SBNO2: variants seen among roughly 807,000 people sequenced by gnomAD.
The protein encoded by SBNO2 is strawberry notch homolog 2.
SBNO2 carries 89 observed loss-of-function variants against 146.3 expected under a neutral mutation model. That is an observed-to-expected ratio of 0.61 (90% CI 0.51 to 0.73). The LOEUF is 0.73. Ranked by LOEUF, SBNO2 falls within the 30% of genes least tolerant of loss-of-function variation. The pLI is 0.00. For synonymous variants in SBNO2, 1,147 were observed against 892.6 expected (o/e 1.29, Z -5.08); for missense variants, 2,092 against 2,003.7 (o/e 1.04, Z -0.84).
At chr19:1,155,711 A>G (rs1441885914) in intron 1 of SBNO2, among the ~76,000 whole-genome samples, 3 of 152,290 alleles carry the variant, frequency 2.0e-5, no homozygotes, top group African/African-American at 7.2e-5. Flanking sequence ...TTCTCTGGGT[A>G]GAGCCTGGGA....
At chr19:1,119,489 C>CG in intron 13 of SBNO2, 27 bp downstream of exon 13, 1 of 1,515,284 alleles carries the variant, frequency 6.6e-7, no homozygotes, top group Non-Finnish European at 9.0e-7. Context: ...CCCGCCGCCC[C>CG]TCCACGTGGG....
chr19:1,153,926 C>G (rs2145314549), intron 2 of SBNO2, among the ~76,000 whole-genome samples: 1 of 152,360 alleles, frequency 6.6e-6, no homozygotes, highest in East Asian at 1.9e-4. Flanking sequence ...ACTGGAAGCT[C>G]TGCAGCAGGG....
rs11669443 is a variant in SBNO2, at chr19:1,109,216, G to A, written c.3349-5C>T. 0.23 allele frequency: 364,914 copies of A among 1,568,170 alleles called. 45,139 individuals carry two copies. Among genetic ancestry groups the A allele is most frequent in the Admixed American group, 0.34 (18,061 of 52,888 alleles). ...CTTGGCCTCCTCCGCGGTGACCTAG[G>A]GACACAGGGCCGCATGAGCCTGGGC... On this transcript the variant is annotated splice_region_variant and splice_polypyrimidine_tract_variant and intron_variant, in intron 29 of 31. Coordinates refer to ENST00000361757, the MANE Select transcript of SBNO2 (RefSeq NM_014963.3). This position sits in a 1 kb window ranked among gnomAD's most constrained non-coding sequence, Gnocchi z 4.2.
chr19:1,159,477 G>A, intron 1 of SBNO2, among the ~76,000 whole-genome samples: 1 of 104,740 alleles, frequency 9.5e-6, no homozygotes, highest in Non-Finnish European at 2.0e-5. Context: ...GGACAGTTGG[G>A]GACAGCAGGG....
chr19:1,122,201 C>G lies in SBNO2; in HGVS notation c.1087G>C (p.Gly363Arg). ...SALIGESQAG[G>R]QHRTRLRQIL... ...TGCCGGAGGCGAGTGCGGTGCTGGC[C>G]GCCGGCCTGGCTCTCCCCAATCAGG... is the stretch of plus-strand genomic sequence containing the variant. The change falls in exon 11 of 32, where the codon GGC (glycine) becomes CGC (arginine). Residue 363 changes from glycine to arginine, a missense_variant. Transcript: ENST00000361757. The G allele has an allele frequency of 1.3e-6, 2 of 1,556,956 alleles. No individual in the cohort carries two copies. Among genetic ancestry groups the G allele is most frequent in the Non-Finnish European group, 1.7e-6 (2 of 1,151,330 alleles).
At chr19:1,156,040 G>A (rs949892453) in intron 1 of SBNO2, among the ~76,000 whole-genome samples, 4 of 152,158 alleles carry the variant, frequency 2.6e-5, no homozygotes, top group Admixed American at 6.5e-5. Flanking sequence ...CACGGTGGAC[G>A]GAGCTTGGGG....
Position 1,113,722 on chromosome 19 carries a change from G to T in SBNO2, c.2078-18C>A. Reference sequence around the variant, plus strand: ...CAGGGGTCCTAGGGAGGAGGTGGAGGGTCAGGGCAGGACATGTTGGCTGCC... The same window carrying T: ...CAGGGGTCCTAGGGAGGAGGTGGAGTGTCAGGGCAGGACATGTTGGCTGCC... On this transcript the variant is annotated intron_variant, in intron 18 of 31. Coordinates refer to ENST00000361757, the MANE Select transcript of SBNO2 (RefSeq NM_014963.3). 6.7e-7 allele frequency: 1 copy of T among 1,499,700 alleles called. No homozygotes were observed. The highest frequency in any genetic ancestry group is 1.3e-5 in the South Asian group (1 of 76,708). 92.9% of individuals were successfully genotyped at this position (1,499,700 alleles called of 1,614,324 possible).
intron 1 of SBNO2, among the ~76,000 whole-genome samples, chr19:1,159,838 G>A (rs1296381342): frequency 6.6e-6 from 1 of 151,684 alleles, no homozygotes; most frequent in African/African-American, 2.4e-5. Context: ...ACACATTCAA[G>A]ACATCCGTGA....
intron 1 of SBNO2, among the ~76,000 whole-genome samples, chr19:1,162,811 T>C (rs961394958): frequency 6.6e-6 from 1 of 152,150 alleles, no homozygotes; most frequent in African/African-American, 2.4e-5. Flanking sequence ...GTAGACCAGC[T>C]ACATGCACAC....
Position 1,158,885 on chromosome 19 carries a change from G to A in SBNO2, c.-126-4483C>T, listed in dbSNP as rs35500465. Reference sequence around the variant, plus strand: ...GTGATGGCCTCCTGCAGCTGTGACCGCCGCCCCACAGCCGCGACCCCACCT... The same window carrying A: ...GTGATGGCCTCCTGCAGCTGTGACCACCGCCCCACAGCCGCGACCCCACCT... On this transcript the variant is annotated intron_variant, in intron 1 of 31. Transcript: ENST00000361757. The surrounding 1 kb of genome is among the most constrained non-coding windows in gnomAD (Gnocchi z 9.9). 0.21 allele frequency among the ~76,000 whole-genome samples: 32,116 copies of A among 151,744 alleles called. 3,983 individuals carry two copies. Among genetic ancestry groups the A allele is most frequent in the East Asian group, 0.41 (2,137 of 5,152 alleles).
rs2079745790 is a variant in SBNO2 at position 1,110,651 on chromosome 19, T to C, written c.3028+94A>G. The C allele has an allele frequency of 7.8e-6, 11 of 1,403,052 alleles. No homozygotes were observed. Among genetic ancestry groups the C allele is most frequent in the Non-Finnish European group, 9.5e-6 (10 of 1,056,778 alleles). The allele number at this position is 1,403,052 out of a possible 1,614,324, so 86.9% of individuals were successfully genotyped here. A position where few individuals can be genotyped will look rare whatever the true frequency, so the allele number is the denominator to read the frequency against. ...CCTCGCCCACCCGGGATGCCCGGTG[T>C]TCCCACGAGCCCCGAGCCCACCCAG... On this transcript the variant is annotated intron_variant, in intron 26 of 31. Transcript: ENST00000361757. This position sits in a 1 kb window ranked among gnomAD's most constrained non-coding sequence, Gnocchi z 4.9.
chr19:1,116,322 G>A lies in SBNO2; in HGVS notation c.1803-219C>T, dbSNP rs138532490. Reference sequence around the variant, plus strand: ...GTCACAGGGCCACCTCGGCCACCAGGCTTCCCCCGCTCTGAGGAATGTGGC... The same window carrying A: ...GTCACAGGGCCACCTCGGCCACCAGACTTCCCCCGCTCTGAGGAATGTGGC... On this transcript the variant is annotated intron_variant, in intron 16 of 31. Transcript: ENST00000361757. 1.0e-3 allele frequency among the ~76,000 whole-genome samples: 156 copies of A among 151,830 alleles called. 3 individuals carry two copies. In the East Asian group the frequency reaches 0.027, roughly 26 times the overall value.
At chr19:1,151,397 G>A (rs181042798) in intron 2 of SBNO2, among the ~76,000 whole-genome samples, 326 of 152,258 alleles carry the variant, frequency 2.1e-3, no homozygotes, top group African/African-American at 6.8e-3. Flanking sequence ...GGGATGGGAC[G>A]GGGGGAAAGT....
Position 1,110,740 on chromosome 19 carries a change from C to A in SBNO2, c.3028+5G>T. On this transcript the variant is annotated splice_donor_5th_base_variant and intron_variant, in intron 26 of 31. Coordinates refer to ENST00000361757, the MANE Select transcript of SBNO2 (RefSeq NM_014963.3). The surrounding 1 kb of genome is among the most constrained non-coding windows in gnomAD (Gnocchi z 4.9). The stretch of plus-strand genomic sequence containing the variant: ...CCCACACCACACCCCGGCACCTGTG[C>A]TCACCCAGGATGCCCATGTCGTATT... 1 of 1,613,438 alleles carries A rather than the reference C, an allele frequency of 6.2e-7. No individual in the cohort carries two copies. Among genetic ancestry groups the A allele is most frequent in the Non-Finnish European group, 8.5e-7 (1 of 1,179,666 alleles).
chr19:1,123,238 G>A (rs2079926015), intron 7 of SBNO2, among the ~76,000 whole-genome samples, 193 bp from the exon 8 acceptor site: 1 of 152,072 alleles, frequency 6.6e-6, no homozygotes. Context: ...GGGCTGGCCG[G>A]GTCGGGGGTG....
Position 1,147,279 on chromosome 19 carries a change from C to G in SBNO2, c.279+30G>C, listed in dbSNP as rs771497035. 29 of 1,465,584 alleles carry G rather than the reference C, an allele frequency of 2.0e-5. No individual in the cohort carries two copies. In the African/African-American group the frequency reaches 2.6e-4, roughly 13 times the overall value. The allele number at this position is 1,465,584 out of a possible 1,614,324, so 90.8% of individuals were successfully genotyped here. ...GCGGCCCAGACTCCACCCTGCCCCC[C>G]ACGGCGCGGTGAGCTCCTGGGGCTC... On this transcript the variant is annotated intron_variant, in intron 4 of 31. Transcript: ENST00000361757.
chr19:1,109,871 G>C lies in SBNO2; in HGVS notation c.3029-94C>G. Reference sequence around the variant, plus strand: ...CGTAGCCGGGGCGCACCCTAGAGACGACCCCCCGAGAGCACAGGAGAGGGT... The same window carrying C: ...CGTAGCCGGGGCGCACCCTAGAGACCACCCCCCGAGAGCACAGGAGAGGGT... On this transcript the variant is annotated intron_variant, in intron 26 of 31. Coordinates refer to ENST00000361757, the MANE Select transcript of SBNO2 (RefSeq NM_014963.3). The surrounding 1 kb of genome is among the most constrained non-coding windows in gnomAD (Gnocchi z 4.2). The C allele has an allele frequency of 2.3e-6, 2 of 864,304 alleles. No homozygotes were observed. The highest frequency in any genetic ancestry group is 1.7e-5 in the South Asian group (1 of 57,770). The allele number at this position is 864,304 out of a possible 1,614,324, so 53.5% of individuals were successfully genotyped here.
At position 1,108,419 on chromosome 19, in the gene SBNO2, G is replaced by A. The variant is rs1363633135; in HGVS notation, c.3902C>T (p.Ala1301Val). ...GTCGCAGCCCTGGTGCGCGAGGGCC[G>A]CAGGGTCGGCCTGGGCGTCGGGGGT... is the stretch of plus-strand genomic sequence containing the variant. ...LGTPDAQADP[A>V]ALAHQGCDIN... Residue 1301 changes from alanine (A) to valine (V), a missense_variant, in exon 32 of 32, where the codon GCG (alanine) becomes GTG (valine). Physicochemically the swap from Ala to Val is moderately conservative, Grantham distance 64. Coordinates refer to ENST00000361757, the MANE Select transcript of SBNO2 (RefSeq NM_014963.3). The A allele has an allele frequency of 6.3e-6, 8 of 1,267,724 alleles. No individual in the cohort carries two copies. Among genetic ancestry groups the A allele is most frequent in the South Asian group, 1.9e-5 (1 of 51,386 alleles). The allele number at this position is 1,267,724 out of a possible 1,614,324, so 78.5% of individuals were successfully genotyped here.
intron 1 of SBNO2, among the ~76,000 whole-genome samples, chr19:1,162,408 C>T (rs377223249): frequency 6.7e-6 from 1 of 149,756 alleles, no homozygotes; most frequent in Non-Finnish European, 1.5e-5. Context: ...TGCAGTGAGC[C>T]GAGATCGGGC....
Sources: gnomAD v4.1 joint callset for allele counts (sites outside exome capture counted in the v4.1 genomes callset) on GRCh38, gnomAD v4.1.1 for gene constraint, Gnocchi (gnomAD v3.1) non-coding constraint, MANE v1.5 for transcripts, NCBI Gene and HGNC (gene_info 2026-07-23, HGNC 2026-07-21) for gene names.